TEKT1: variants seen among roughly 807,000 people sequenced by gnomAD.
TEKT1 encodes tektin-1.
In TEKT1, 32 loss-of-function variants were observed where a neutral mutation model predicts 34.8. The observed-to-expected ratio is 0.92, with a 90% CI of 0.69 to 1.23. TEKT1 has a LOEUF of 1.23. TEKT1 is among the 50% of genes most tolerant of loss of function. The pLI, the probability that TEKT1 is intolerant of heterozygous loss-of-function variation, is 0.00. For missense variants in TEKT1, 492 were observed against 518.5 expected, an observed-to-expected ratio of 0.95 and a Z score of 0.50; for synonymous variants, 207 against 199.8, an observed-to-expected ratio of 1.04 and a Z score of -0.30.
intron 2 of TEKT1, among the ~76,000 whole-genome samples, chr17:6,825,563 C>A (rs1242417652): frequency 6.6e-6 from 1 of 152,164 alleles, no homozygotes; most frequent in Non-Finnish European, 1.5e-5. Flanking sequence ...ATAGTGAACA[C>A]ACACATATAA....
At chr17:6,802,389 T>C (rs1976786058) in intron 6 of TEKT1, among the ~76,000 whole-genome samples, 1 of 152,242 alleles carries the variant, frequency 6.6e-6, no homozygotes, top group Middle Eastern at 3.2e-3. Context: ...GCAGCATTTA[T>C]AAATTTGATA....
intron 3 of TEKT1, 56 bp from the exon 4 acceptor site, chr17:6,816,018 C>T: frequency 6.2e-7 from 1 of 1,605,106 alleles, no homozygotes; most frequent in Non-Finnish European, 8.5e-7. Context: ...GGTGACTCAA[C>T]ATTGGCTAAT....
At chr17:6,829,285 C>G (rs1282198425) in intron 2 of TEKT1, among the ~76,000 whole-genome samples, 1 of 152,166 alleles carries the variant, frequency 6.6e-6, no homozygotes, top group East Asian at 1.9e-4. Context: ...TCTTTGTTCC[C>G]CTACCCCAGC....
intron 2 of TEKT1, among the ~76,000 whole-genome samples, chr17:6,820,122 T>C (rs1977065733): frequency 6.6e-6 from 1 of 152,194 alleles, no homozygotes; most frequent in Non-Finnish European, 1.5e-5. Context: ...TCTCCCAATA[T>C]AGTTGTATCA....
intron 4 of TEKT1, 95 bp from the exon 5 acceptor site, chr17:6,815,401 G>A (rs759120984): frequency 1.2e-5 from 18 of 1,459,098 alleles, no homozygotes; most frequent in East Asian, 2.3e-5. Context: ...CTGCAGCTAG[G>A]TCTGGTGCAG....
intron 3 of TEKT1, 146 bp downstream of exon 3, chr17:6,819,047 A>T: frequency 1.0e-6 from 1 of 954,332 alleles, no homozygotes; most frequent in Non-Finnish European, 1.5e-6. Context: ...GCCCAGCACC[A>T]GGGGCATGCT....
Position 6,800,234 on chromosome 17 carries a change from T to C in TEKT1, c.1050A>G (p.Arg350=), listed in dbSNP as rs1333870880. Residue 350 remains arginine, a splice_region_variant and synonymous_variant, in exon 8 of 8, where the codon AGA becomes AGG. Coordinates refer to ENST00000338694, the MANE Select transcript of TEKT1 (RefSeq NM_053285.2). ...EVQEITHNVA[R]LKETLAQAQA... is the part of the protein sequence containing the mutation. ...GAGCTTGGGCTAAAGTTTCCTTCAA[T>C]CTAGGAGAAAGGGAAGAAGAGAAGA... 1.9e-6 allele frequency: 3 copies of C among 1,612,246 alleles called. No homozygotes were observed. The highest frequency in any genetic ancestry group is 2.7e-5 in the African/African-American group (2 of 74,744).
rs1200940733 is a variant in TEKT1 at position 6,798,762 on chromosome 17, T to C, written c.*1265A>G. The C allele has an allele frequency of 6.6e-6, 1 of 152,224 alleles. No homozygotes were observed. Among genetic ancestry groups the C allele is most frequent in the Non-Finnish European group, 1.5e-5 (1 of 68,074 alleles). The allele number at this position is 152,224 out of a possible 1,614,324, so 9.4% of individuals were successfully genotyped here. On this transcript the variant is annotated 3_prime_UTR_variant, in exon 8 of 8. Transcript: ENST00000338694. Reference sequence around the variant, plus strand: ...ATTAGGCCCACACTCTGCATTATCATTGTGCCCTATGACACCGTATGTGCA... The same window carrying C: ...ATTAGGCCCACACTCTGCATTATCACTGTGCCCTATGACACCGTATGTGCA...
At chr17:6,815,717 G>A in intron 4 of TEKT1, 117 bp downstream of exon 4, 1 of 1,460,328 alleles carries the variant, frequency 6.8e-7, no homozygotes, top group Non-Finnish European at 9.2e-7. Context: ...GGGACACAAA[G>A]TGGGAGCGGG....
intron 3 of TEKT1, 47 bp from the exon 4 acceptor site, chr17:6,816,009 G>T: frequency 6.2e-7 from 1 of 1,609,114 alleles, no homozygotes; most frequent in Non-Finnish European, 8.5e-7. Context: ...GCAACATGAG[G>T]TGACTCAACA....
chr17:6,805,557 T>A (rs570712711), intron 6 of TEKT1, among the ~76,000 whole-genome samples: 2 of 152,334 alleles, frequency 1.3e-5, no homozygotes, highest in Admixed American at 1.3e-4. Flanking sequence ...AATTGTGATG[T>A]TAGGGTGTAA....
In TEKT1 at chr17:6,800,789, C is replaced by T. The variant is rs1384824896; in HGVS notation, c.1007G>A (p.Arg336Lys). The stretch of plus-strand genomic sequence containing the variant: ...GATCTCTTGAACCTCCTTCATTAGC[C>T]TATATTGTGCGACATCACGACACAG... ...VELCRDVAQY[R>K]LMKEVQEITH... The change falls in exon 7 of 8, where the codon AGG becomes AAG. Residue 336 changes from arginine to lysine, a missense_variant. Physicochemically the swap from Arg to Lys is conservative, Grantham distance 26. Coordinates refer to ENST00000338694, the MANE Select transcript of TEKT1 (RefSeq NM_053285.2). 6.2e-7 allele frequency: 1 copy of T among 1,614,080 alleles called. No homozygotes were observed. Among genetic ancestry groups the T allele is most frequent in the Admixed American group, 1.7e-5 (1 of 60,010 alleles).
At chr17:6,815,036 A>C in intron 5 of TEKT1, 127 bp downstream of exon 5, 2 of 1,200,034 alleles carry the variant, frequency 1.7e-6, no homozygotes, top group Non-Finnish European at 2.4e-6. Context: ...TCACCATTCA[A>C]TGCTGCCTTT....
chr17:6,814,963 C>T (rs1002516787), intron 5 of TEKT1, 200 bp downstream of exon 5: 2 of 560,578 alleles, frequency 3.6e-6, no homozygotes, highest in Non-Finnish European at 6.2e-6. Context: ...GGTTTTATGT[C>T]AGACTTTCTT....
Position 6,830,191 on chromosome 17 carries a change from T to C in TEKT1, c.186A>G (p.Lys62=). 1 of 1,608,126 alleles carries C rather than the reference T, an allele frequency of 6.2e-7. No homozygotes were observed. Among genetic ancestry groups the C allele is most frequent in the Non-Finnish European group, 8.5e-7 (1 of 1,178,826 alleles). The change falls in exon 2 of 8, where the codon AAA becomes AAG. Residue 62 remains lysine, a synonymous_variant. Coordinates refer to ENST00000338694, the MANE Select transcript of TEKT1 (RefSeq NM_053285.2). ...TRKSQSDVNK[K]LEQRLEEVQF... Reference sequence around the variant, plus strand: ...ATGCCAAGCATGTTGTCTTACCTAGTTTCTTGTTCACATCGCTTTGAGATT... The same window carrying C: ...ATGCCAAGCATGTTGTCTTACCTAGCTTCTTGTTCACATCGCTTTGAGATT...
At chr17:6,800,634 C>T in intron 7 of TEKT1, 113 bp downstream of exon 7, 1 of 1,306,622 alleles carries the variant, frequency 7.7e-7, no homozygotes, top group Non-Finnish European at 1.0e-6. Context: ...ATTCCTCAAG[C>T]ATTCCAGAGC....
chr17:6,827,887 G>T (rs908709785), intron 2 of TEKT1, among the ~76,000 whole-genome samples: 1 of 150,758 alleles, frequency 6.6e-6, no homozygotes, highest in Non-Finnish European at 1.5e-5. Context: ...ATCAATGAAG[G>T]TTCACTTTTT....
intron 6 of TEKT1, among the ~76,000 whole-genome samples, chr17:6,802,224 C>A (rs1024357340): frequency 2.0e-5 from 3 of 152,156 alleles, no homozygotes; most frequent in East Asian, 3.9e-4. Flanking sequence ...CTTTCTTAAG[C>A]TTCTATTTAA....
rs762864188 is a variant in TEKT1 at position 6,815,222 on chromosome 17, C to T, written c.570G>A (p.Ser190=). The T allele has an allele frequency of 1.7e-5, 28 of 1,613,994 alleles. No homozygotes were observed. Among genetic ancestry groups the T allele is most frequent in the African/African-American group, 4.0e-5 (3 of 74,934 alleles). The part of the protein sequence containing the change: ...VALTIDDICF[S]LNNNSPNIRY... ...TGATGTTTGGTGAGTTGTTGTTGAG[C>T]GAGAAGCAGATATCATCTATGGTCA... Residue 190 remains serine, a synonymous_variant, in exon 5 of 8, where the codon TCG becomes TCA. Coordinates refer to ENST00000338694, the MANE Select transcript of TEKT1 (RefSeq NM_053285.2).
Sources: gnomAD v4.1 joint callset for allele counts (sites outside exome capture counted in the v4.1 genomes callset) on GRCh38, gnomAD v4.1.1 for gene constraint, MANE v1.5 for transcripts, NCBI Gene and HGNC (gene_info 2026-07-23, HGNC 2026-07-21) for gene names.